Variants in NRXN1 observed in about 807,000 individuals in gnomAD.
NRXN1 encodes the protein neurexin-1.
A neutral mutation model predicts 150.9 loss-of-function variants in NRXN1; 39 were observed. The ratio of observed to expected loss-of-function variants is 0.26; its 90% confidence interval spans 0.20 to 0.34. NRXN1 has a LOEUF of 0.34. NRXN1 is among the 10% of genes least tolerant of loss of function. The pLI is 1.00. For missense variants in NRXN1, 1,815 were observed against 1,949.9 expected (o/e 0.93, Z 1.30); for synonymous variants, 924 against 757.0 (o/e 1.22, Z -3.62).
intron 5 of NRXN1, among the ~76,000 whole-genome samples, chr2:50,695,139 A>G (rs1017538915): frequency 1.3e-5 from 2 of 150,872 alleles, no homozygotes; most frequent in Admixed American, 6.6e-5. Flanking sequence ...TGCAGTAGGG[A>G]GACTATTTAC....
At chr2:50,213,976 C>T (rs1404159661) in intron 18 of NRXN1, among the ~76,000 whole-genome samples, 3 of 151,888 alleles carry the variant, frequency 2.0e-5, no homozygotes, top group Non-Finnish European at 4.4e-5. Context: ...AAACTATTGA[C>T]TTACATTAAG....
intron 18 of NRXN1, among the ~76,000 whole-genome samples, chr2:50,228,437 G>A (rs926315982): frequency 4.6e-5 from 7 of 151,956 alleles, no homozygotes; most frequent in Non-Finnish European, 8.8e-5. Context: ...GCCTGTGATC[G>A]TGTAGATGAG....
chr2:50,642,872 CCTT>C (rs1375154876), intron 5 of NRXN1, among the ~76,000 whole-genome samples: 1 of 151,800 alleles, frequency 6.6e-6, no homozygotes, highest in African/African-American at 2.4e-5. Flanking sequence ...GGAGGAAAAG[CCTT>C]CTTCTAAAAA....
chr2:50,908,535 A>G (rs547480636), intron 5 of NRXN1, among the ~76,000 whole-genome samples: 1 of 152,102 alleles, frequency 6.6e-6, no homozygotes, highest in African/African-American at 2.4e-5. Context: ...CCTGACAATT[A>G]GAGCATGCCA....
At chr2:50,803,928 T>G (rs1667162313) in intron 5 of NRXN1, among the ~76,000 whole-genome samples, 1 of 152,188 alleles carries the variant, frequency 6.6e-6, no homozygotes, top group Non-Finnish European at 1.5e-5. Context: ...GACATATGAA[T>G]ATACCTGTAT....
rs899847481 is a variant in NRXN1 at position 50,917,346 on chromosome 2, C to G, written c.832+4523G>C. The G allele has an allele frequency of 2.0e-5, 3 of 151,642 alleles. No individual in the cohort carries two copies. The South Asian group carries it at 6.2e-4, about 31-fold the overall frequency. The allele number at this position is 151,642 out of a possible 1,614,324, so 9.4% of individuals were successfully genotyped here. A position where few individuals can be genotyped will look rare whatever the true frequency, so the allele number is the denominator to read the frequency against. On this transcript the variant is annotated intron_variant, in intron 5 of 22. Coordinates refer to ENST00000401669, the MANE Select transcript of NRXN1 (RefSeq NM_001330078.2). ...ACCAAATTAGGTCTATATCAGAAAT[C>G]ACAGCAAAATATATTTTAAAAAGCA...
chr2:50,122,475 A>C (rs17039898), intron 18 of NRXN1, among the ~76,000 whole-genome samples: 1 of 152,134 alleles, frequency 6.6e-6, no homozygotes, highest in African/African-American at 2.4e-5. Flanking sequence ...GAGATCACAA[A>C]AGTGCATGGT....
At chr2:50,844,076 A>G (rs1452222363) in intron 5 of NRXN1, among the ~76,000 whole-genome samples, 1 of 152,148 alleles carries the variant, frequency 6.6e-6, no homozygotes, top group Non-Finnish European at 1.5e-5. Context: ...GTCCAAACCC[A>G]AAGAATGGAC....
At chr2:50,771,694 G>T (rs958756505) in intron 5 of NRXN1, among the ~76,000 whole-genome samples, 2 of 152,096 alleles carry the variant, frequency 1.3e-5, no homozygotes, top group African/African-American at 2.4e-5. Flanking sequence ...GGCATTTTCC[G>T]TGAAGGAAGT....
chr2:50,552,508 T>C lies in NRXN1; in HGVS notation c.1759+79A>G, dbSNP rs188880611. 1.6e-4 allele frequency: 172 copies of C among 1,073,096 alleles called. No individual in the cohort carries two copies. The East Asian group carries it at 4.1e-3, about 25-fold the overall frequency. 66.5% of individuals were successfully genotyped at this position (1,073,096 alleles called of 1,614,324 possible). ...AAATGCAGGAAGTCTTTAATATGTC[T>C]TGGTTTTCACTTTTAGGAATGGCAT... On this transcript the variant is annotated intron_variant, in intron 9 of 22. Transcript: ENST00000401669.
chr2:50,526,079 C>T (rs546436011), intron 12 of NRXN1, among the ~76,000 whole-genome samples: 2 of 152,246 alleles, frequency 1.3e-5, no homozygotes, highest in Middle Eastern at 3.4e-3. Flanking sequence ...TGTATATTTT[C>T]CATATAAAGT....
At chr2:50,887,744 C>G (rs535948395) in intron 5 of NRXN1, among the ~76,000 whole-genome samples, 3 of 151,248 alleles carry the variant, frequency 2.0e-5, no homozygotes, top group African/African-American at 7.2e-5. Context: ...TCATTAAATT[C>G]ATGTTCATGG....
At chr2:50,797,219 G>C (rs1706957204) in intron 5 of NRXN1, among the ~76,000 whole-genome samples, 1 of 152,034 alleles carries the variant, frequency 6.6e-6, no homozygotes, top group African/African-American at 2.4e-5. Flanking sequence ...TAGATTTATT[G>C]TTATATGGAA....
At chr2:50,959,622 T>C (rs954715483) in intron 2 of NRXN1, among the ~76,000 whole-genome samples, 21 of 152,096 alleles carry the variant, frequency 1.4e-4, no homozygotes, top group African/African-American at 4.3e-4. Context: ...CTATAAATGG[T>C]TGTGGGTTTC....
chr2:50,805,820 C>T (rs539600239), intron 5 of NRXN1, among the ~76,000 whole-genome samples: 31 of 151,888 alleles, frequency 2.0e-4, no homozygotes, highest in Middle Eastern at 3.4e-3. Flanking sequence ...CATTATAATC[C>T]CCTGATAGCT....
intron 2 of NRXN1, among the ~76,000 whole-genome samples, chr2:50,952,370 G>A (rs1378156368): frequency 6.6e-6 from 1 of 152,086 alleles, no homozygotes; most frequent in East Asian, 1.9e-4. Context: ...ATTATTTATA[G>A]AATTGGACCA....
At chr2:50,646,097 T>G (rs550535941) in intron 5 of NRXN1, among the ~76,000 whole-genome samples, 1 of 151,860 alleles carries the variant, frequency 6.6e-6, no homozygotes, top group Non-Finnish European at 1.5e-5. Context: ...CAAAGATATA[T>G]AGAGAGGCTG....
At chr2:50,302,648 A>AC (rs2074262806) in intron 17 of NRXN1, among the ~76,000 whole-genome samples, 2 of 152,188 alleles carry the variant, frequency 1.3e-5, no homozygotes, top group Admixed American at 6.6e-5. Flanking sequence ...GGCATTTTAA[A>AC]ATAAACATTC....
At chr2:50,363,011 A>T (rs560097583) in intron 17 of NRXN1, among the ~76,000 whole-genome samples, 1 of 152,312 alleles carries the variant, frequency 6.6e-6, no homozygotes, top group African/African-American at 2.4e-5. Flanking sequence ...TATTTAATAA[A>T]TGGTGTTGGG....
Sources: gnomAD v4.1 joint callset for allele counts (sites outside exome capture counted in the v4.1 genomes callset) on GRCh38, gnomAD v4.1.1 for gene constraint, MANE v1.5 for transcripts, NCBI Gene and HGNC (gene_info 2026-07-23, HGNC 2026-07-21) for gene names.